Variants in CREBBP observed in about 807,000 individuals in gnomAD.
The protein encoded by CREBBP is CREB-binding protein.
A neutral mutation model predicts 265.0 loss-of-function variants in CREBBP; 19 were observed. The observed-to-expected ratio is 0.07, with a 90% confidence interval of 0.05 to 0.11. The LOEUF is 0.11. Ranked by LOEUF, CREBBP falls within the 10% of genes least tolerant of loss-of-function variation. The pLI is 1.00. For synonymous variants in CREBBP, 1,457 were observed against 1,223.7 expected (o/e 1.19, Z -3.98); for missense variants, 2,525 against 3,219.0 (o/e 0.78, Z 5.22).
At position 3,762,016 on chromosome 16, in the gene CREBBP, A is replaced by G. The variant is rs75897959; in HGVS notation, c.3251-3044T>C. On this transcript the variant is annotated intron_variant, in intron 16 of 30. Coordinates refer to ENST00000262367, the MANE Select transcript of CREBBP (RefSeq NM_004380.3). ...TTTAATGTTTGGCAGAAGAAAAAGA[A>G]AAGAATACTATTTCATGACATGTGA... 5.4e-3 allele frequency among the ~76,000 whole-genome samples: 822 copies of G among 152,366 alleles called. 5 individuals are homozygous for G. Among genetic ancestry groups the G allele is most frequent in the East Asian group, 0.011 (58 of 5,188 alleles).
At chr16:3,765,198 G>C (rs559068979) in intron 16 of CREBBP, among the ~76,000 whole-genome samples, 1 of 152,326 alleles carries the variant, frequency 6.6e-6, no homozygotes, top group Admixed American at 6.5e-5. Flanking sequence ...GGATGGTCCT[G>C]ATCTGCTGAC....
At chr16:3,772,129 T>C (rs966976381) in intron 13 of CREBBP, among the ~76,000 whole-genome samples, 1 of 152,110 alleles carries the variant, frequency 6.6e-6, no homozygotes, top group African/African-American at 2.4e-5. Flanking sequence ...CTTCATGTTC[T>C]ATAACATGTA....
At chr16:3,759,487 T>C (rs1397058974) in intron 16 of CREBBP, among the ~76,000 whole-genome samples, 1 of 150,916 alleles carries the variant, frequency 6.6e-6, no homozygotes, top group Non-Finnish European at 1.5e-5. Flanking sequence ...CTCGAGAGGG[T>C]GAGAAAGGAA....
At chr16:3,740,329 C>CAG in intron 24 of CREBBP, 70 bp downstream of exon 24, 1 of 1,586,736 alleles carries the variant, frequency 6.3e-7, no homozygotes, top group African/African-American at 1.3e-5. Flanking sequence ...AAGAGCTTTG[C>CAG]AGAGAGCAGG....
chr16:3,759,092 C>T (rs377490485), intron 16 of CREBBP, 120 bp from the exon 17 acceptor site: 86 of 789,994 alleles, frequency 1.1e-4, no homozygotes, highest in Middle Eastern at 3.5e-4. Flanking sequence ...CTAAGGCACT[C>T]GAGGGGCTCT....
intron 13 of CREBBP, among the ~76,000 whole-genome samples, chr16:3,772,066 G>C (rs1008554905): frequency 5.3e-5 from 8 of 152,046 alleles, no homozygotes; most frequent in South Asian, 2.1e-4. Context: ...TGAAACCTCA[G>C]AAAGTGAAAT....
intron 5 of CREBBP, chr16:3,784,576 A>G (rs1365997779): frequency 6.6e-6 from 1 of 152,222 alleles, no homozygotes; most frequent in Non-Finnish European, 1.5e-5. Context: ...CAGTGGTAGG[A>G]TAGTTTATTT....
chr16:3,769,461 G>A, intron 14 of CREBBP, 108 bp from the exon 15 acceptor site: 1 of 1,349,194 alleles, frequency 7.4e-7, no homozygotes, highest in Non-Finnish European at 1.1e-6. Context: ...TCTCAATACT[G>A]ATCCAGCAGG....
intron 2 of CREBBP, among the ~76,000 whole-genome samples, chr16:3,818,835 T>A (rs1460418218): frequency 6.6e-6 from 1 of 151,950 alleles, no homozygotes; most frequent in East Asian, 1.9e-4. Context: ...CAAAGACAAG[T>A]GGAGAAATAA....
In CREBBP at chr16:3,780,880, TAAG is replaced by T; in HGVS notation, c.1677-5_1677-3del. The T allele has an allele frequency of 6.2e-7, 1 of 1,613,268 alleles. No homozygotes were observed. The highest frequency in any genetic ancestry group is 1.1e-5 in the South Asian group (1 of 91,028). ...TTGGAGCCATCGTTCATCAGTGGGCTAAGGAGGAAATAAAGACACTTCATCCAT... is the reference window on the plus strand; with the variant it reads ...TTGGAGCCATCGTTCATCAGTGGGCTGAGGAAATAAAGACACTTCATCCAT... On this transcript the variant is annotated splice_polypyrimidine_tract_variant and splice_region_variant and intron_variant, in intron 7 of 30. Transcript: ENST00000262367.
At chr16:3,768,124 A>C (rs1045921874) in intron 15 of CREBBP, among the ~76,000 whole-genome samples, 1 of 138,816 alleles carries the variant, frequency 7.2e-6, no homozygotes, top group African/African-American at 2.7e-5. Flanking sequence ...TTATGGTCCT[A>C]AATTTAAAAG....
At chr16:3,809,216 C>T (rs2053889549) in intron 3 of CREBBP, among the ~76,000 whole-genome samples, 1 of 151,976 alleles carries the variant, frequency 6.6e-6, no homozygotes, top group Admixed American at 6.6e-5. Context: ...CTTGCTCTGC[C>T]ACCCAGGCTA....
rs187027508 is a variant in CREBBP, at chr16:3,779,180, A to G, written c.1824-363T>C. Among the ~76,000 whole-genome samples the G allele has an allele frequency of 1.7e-3, 263 of 151,662 alleles. 3 individuals carry two copies. The East Asian group carries it at 0.039, about 23-fold the overall frequency. On this transcript the variant is annotated intron_variant, in intron 8 of 30. Coordinates refer to ENST00000262367, the MANE Select transcript of CREBBP (RefSeq NM_004380.3). ...AGACTCCATACCAAAAAAAGAAGAA[A>G]AAAAAAAAAAAGACACAGGGTCTTG...
intron 2 of CREBBP, among the ~76,000 whole-genome samples, chr16:3,815,411 G>C (rs1047137552): frequency 2.0e-5 from 3 of 151,408 alleles, no homozygotes; most frequent in Non-Finnish European, 4.4e-5. Context: ...ATGGTGGTGC[G>C]TGCGTATAAT....
chr16:3,873,606 A>G (rs1315167163), intron 1 of CREBBP, among the ~76,000 whole-genome samples: 1 of 152,220 alleles, frequency 6.6e-6, no homozygotes, highest in Non-Finnish European at 1.5e-5. Context: ...TTGGGCGGAT[A>G]TGCCAGACAC....
At chr16:3,738,794 G>A (rs2052133421) in intron 25 of CREBBP, 122 bp from the exon 26 acceptor site, 1 of 725,714 alleles carries the variant, frequency 1.4e-6, no homozygotes, top group Admixed American at 2.0e-5. Flanking sequence ...CATTCAGGCT[G>A]CAATGCGGTG....
chr16:3,849,482 T>TGATGTGC (rs2054777961), intron 2 of CREBBP, among the ~76,000 whole-genome samples: 1 of 125,082 alleles, frequency 8.0e-6, no homozygotes, highest in Non-Finnish European at 1.7e-5. Flanking sequence ...TGTGTGTGTG[T>TGATGTGC]GTGTGTGATG....
At chr16:3,820,624 T>C (rs1012855757) in intron 2 of CREBBP, among the ~76,000 whole-genome samples, 1 of 152,158 alleles carries the variant, frequency 6.6e-6, no homozygotes, top group Non-Finnish European at 1.5e-5. Context: ...TGGGTTAAGA[T>C]CCTCCCAGGC....
rs554587153 is a variant in CREBBP at position 3,742,479 on chromosome 16, C to T, written c.3983-1930G>A. The T allele has an allele frequency of 4.6e-5, 7 of 152,282 alleles. No homozygotes were observed. In the South Asian group the frequency reaches 1.2e-3, roughly 27 times the overall value. 9.4% of individuals were successfully genotyped at this position (152,282 alleles called of 1,614,324 possible). On this transcript the variant is annotated intron_variant, in intron 23 of 30. Coordinates refer to ENST00000262367, the MANE Select transcript of CREBBP (RefSeq NM_004380.3). Reference sequence around the variant, plus strand: ...GTGCCCCTCGCTTTCTGGCATTCAACTTGTATCTTCATCCATGGCGCATGA... The same window carrying T: ...GTGCCCCTCGCTTTCTGGCATTCAATTTGTATCTTCATCCATGGCGCATGA...
Sources: gnomAD v4.1 joint callset for allele counts (sites outside exome capture counted in the v4.1 genomes callset) on GRCh38, gnomAD v4.1.1 for gene constraint, MANE v1.5 for transcripts, NCBI Gene and HGNC (gene_info 2026-07-23, HGNC 2026-07-21) for gene names.